The following GRID2 variants were observed in gnomAD, a reference collection of about 807,000 sequenced individuals.
GRID2 encodes glutamate receptor ionotropic, delta-2.
A neutral mutation model predicts 114.8 loss-of-function variants in GRID2; 33 were observed. That is an observed-to-expected ratio of 0.29 (90% CI 0.22 to 0.38). The LOEUF is 0.38. Ranked by LOEUF, GRID2 falls within the 10% of genes least tolerant of loss-of-function variation. GRID2 has a pLI of 1.00. For missense variants in GRID2, 1,184 were observed against 1,257.7 expected (o/e 0.94, Z 0.89); for synonymous variants, 505 against 449.9 (o/e 1.12, Z -1.55).
At chr4:93,083,436 T>G (rs1730052673) in intron 2 of GRID2, among the ~76,000 whole-genome samples, 1 of 152,036 alleles carries the variant, frequency 6.6e-6, no homozygotes, top group Admixed American at 6.6e-5. Context: ...GGCTCACACC[T>G]GTAATCTCAT....
At chr4:93,431,571 G>A (rs1017806057) in intron 10 of GRID2, among the ~76,000 whole-genome samples, 1 of 152,152 alleles carries the variant, frequency 6.6e-6, no homozygotes, top group African/African-American at 2.4e-5. Context: ...AACTCTTTTG[G>A]TAGCATAGTG....
At chr4:93,567,577 G>T (rs780895915) in intron 13 of GRID2, among the ~76,000 whole-genome samples, 6 of 152,166 alleles carry the variant, frequency 3.9e-5, no homozygotes, top group Non-Finnish European at 7.3e-5. Flanking sequence ...CAACTCTGAA[G>T]AAAAGGCTAA....
chr4:93,408,509 AT>A (rs1766765173), intron 9 of GRID2, among the ~76,000 whole-genome samples: 1 of 152,162 alleles, frequency 6.6e-6, no homozygotes, highest in Non-Finnish European at 1.5e-5. Context: ...AGCAATAAAA[AT>A]ATGCATCTTT....
intron 8 of GRID2, among the ~76,000 whole-genome samples, chr4:93,385,469 G>C (rs994544747): frequency 1.1e-4 from 17 of 152,080 alleles, no homozygotes; most frequent in African/African-American, 4.1e-4. Context: ...TTCTTTCTTT[G>C]AGAAAAATAA....
intron 2 of GRID2, among the ~76,000 whole-genome samples, chr4:92,671,154 C>T (rs1410667010): frequency 4.0e-5 from 6 of 151,786 alleles, no homozygotes; most frequent in South Asian, 2.1e-4. Context: ...AAATCATGGT[C>T]GAAGGTGAAA....
intron 8 of GRID2, among the ~76,000 whole-genome samples, chr4:93,270,851 A>T (rs1424146296): frequency 6.6e-6 from 1 of 151,688 alleles, no homozygotes; most frequent in Non-Finnish European, 1.5e-5. Context: ...CTGGTCTCAA[A>T]CTCCTGACCT....
intron 2 of GRID2, among the ~76,000 whole-genome samples, chr4:92,624,107 A>G (rs1730406970): frequency 1.3e-5 from 2 of 151,828 alleles, no homozygotes; most frequent in Admixed American, 6.6e-5. Context: ...ATTCAGCATT[A>G]ATTAAATAAA....
chr4:92,565,998 A>T (rs11727401), intron 1 of GRID2, among the ~76,000 whole-genome samples: 8,773 of 152,058 alleles, frequency 0.058, 290 homozygotes, highest in East Asian at 0.12. Flanking sequence ...GAGTTTACCT[A>T]TACAATCCCT....
chr4:93,578,750 C>T (rs541036030), intron 13 of GRID2, among the ~76,000 whole-genome samples: 15 of 151,984 alleles, frequency 9.9e-5, no homozygotes, highest in African/African-American at 1.4e-4. Flanking sequence ...TCCGCCACCA[C>T]GCCCAGCTAA....
intron 5 of GRID2, among the ~76,000 whole-genome samples, chr4:93,211,519 A>G (rs904616258): frequency 6.6e-6 from 1 of 152,118 alleles, no homozygotes; most frequent in African/African-American, 2.4e-5. Flanking sequence ...TAAATAACTC[A>G]ATACATGTTA....
In GRID2 at chr4:93,222,664, G is replaced by C. The variant is rs901831096; in HGVS notation, c.964-1950G>C. On this transcript the variant is annotated intron_variant, in intron 6 of 15. Coordinates refer to ENST00000282020, the MANE Select transcript of GRID2 (RefSeq NM_001510.4). ...CGGTGTGTGATGTTCCCCATCCTGT[G>C]TCCAGGTGTTCTCATTGTTCAATTC... Among the ~76,000 whole-genome samples, 6 of 151,874 alleles carry C rather than the reference G, an allele frequency of 4.0e-5. No individual in the cohort carries two copies. The East Asian group carries it at 1.2e-3, about 30-fold the overall frequency.
chr4:92,437,382 C>A (rs534904611), intron 1 of GRID2, among the ~76,000 whole-genome samples: 1 of 152,172 alleles, frequency 6.6e-6, no homozygotes, highest in Non-Finnish European at 1.5e-5. Flanking sequence ...CAGGTTCAAG[C>A]GATTCTCATG....
At chr4:92,794,940 T>C (rs984598017) in intron 2 of GRID2, among the ~76,000 whole-genome samples, 1 of 143,662 alleles carries the variant, frequency 7.0e-6, no homozygotes, top group African/African-American at 2.6e-5. Context: ...CCTGTATACT[T>C]ACAATAAAGT....
At chr4:93,476,201 G>A (rs555437382) in intron 11 of GRID2, among the ~76,000 whole-genome samples, 1 of 152,150 alleles carries the variant, frequency 6.6e-6, no homozygotes, top group South Asian at 2.1e-4. Context: ...TAGGCAATTG[G>A]TATACAATGA....
chr4:92,539,867 A>C (rs909908123), intron 1 of GRID2, among the ~76,000 whole-genome samples: 4 of 152,036 alleles, frequency 2.6e-5, no homozygotes, highest in Admixed American at 6.6e-5. Context: ...CAAAATCTTG[A>C]AGTCGGGTAG....
At chr4:92,924,026 T>G (rs1452103929) in intron 2 of GRID2, among the ~76,000 whole-genome samples, 2 of 152,112 alleles carry the variant, frequency 1.3e-5, no homozygotes, top group Non-Finnish European at 2.9e-5. Context: ...TAGACTGGAT[T>G]AAGAAAATGT....
At chr4:93,348,829 A>AAT (rs1417941058) in intron 8 of GRID2, among the ~76,000 whole-genome samples, 1 of 152,204 alleles carries the variant, frequency 6.6e-6, no homozygotes, top group African/African-American at 2.4e-5. Flanking sequence ...TAAAGCAGTA[A>AAT]ATATAGTCTT....
At chr4:93,578,292 G>T (rs1188549743) in intron 13 of GRID2, among the ~76,000 whole-genome samples, 1 of 152,058 alleles carries the variant, frequency 6.6e-6, no homozygotes, top group Non-Finnish European at 1.5e-5. Flanking sequence ...GAGAAAAATA[G>T]GTATTTTGAG....
intron 2 of GRID2, among the ~76,000 whole-genome samples, chr4:92,873,161 T>C (rs912421381): frequency 1.1e-4 from 17 of 152,308 alleles, no homozygotes; most frequent in African/African-American, 4.1e-4. Flanking sequence ...TCATATATCA[T>C]GAAATATATT....
Sources: gnomAD v4.1 joint callset for allele counts (sites outside exome capture counted in the v4.1 genomes callset) on GRCh38, gnomAD v4.1.1 for gene constraint, MANE v1.5 for transcripts, NCBI Gene and HGNC (gene_info 2026-07-23, HGNC 2026-07-21) for gene names.